The following PMM1 variants were observed in gnomAD, a reference collection of about 807,000 sequenced individuals.
PMM1 encodes the protein phosphomannomutase 1, also known as brain glucose-1,6-bisphosphatase.
PMM1 carries 25 observed loss-of-function variants against 34.0 expected under a neutral mutation model. The ratio of observed to expected loss-of-function variants is 0.73; its 90% confidence interval spans 0.54 to 1.03. The LOEUF (loss-of-function observed/expected upper bound fraction) is 1.03. Ranked by LOEUF, PMM1 falls within the 50% of genes least tolerant of loss-of-function variation. The pLI is 0.00. For missense variants in PMM1, 321 were observed against 350.1 expected, an observed-to-expected ratio of 0.92 and a Z score of 0.66; for synonymous variants, 134 against 143.9, an observed-to-expected ratio of 0.93 and a Z score of 0.49.
chr22:41,588,207 C>T (rs1260444103), intron 1 of PMM1, among the ~76,000 whole-genome samples: 5 of 152,140 alleles, frequency 3.3e-5, no homozygotes, highest in Non-Finnish European at 7.4e-5. Context: ...CACGACACCA[C>T]GCCCATCTAC....
chr22:41,588,383 C>A (rs1352679545), intron 1 of PMM1, among the ~76,000 whole-genome samples: 1 of 152,202 alleles, frequency 6.6e-6, no homozygotes, highest in Non-Finnish European at 1.5e-5. Flanking sequence ...CCACGCCTGG[C>A]TAATTTTTTG....
chr22:41,589,166 G>C, intron 1 of PMM1: 1 of 1,280,644 alleles, frequency 7.8e-7, no homozygotes, highest in Non-Finnish European at 1.0e-6. Flanking sequence ...CTCCACGACT[G>C]GGGGTGGAAG....
chr22:41,587,577 C>T (rs964578397), intron 1 of PMM1, among the ~76,000 whole-genome samples: 5 of 152,092 alleles, frequency 3.3e-5, no homozygotes, highest in African/African-American at 7.2e-5. Flanking sequence ...GCTGTGATAG[C>T]GCCACTGCAC....
Position 41,589,723 on chromosome 22 carries a change from C to T in PMM1, c.83G>A (p.Arg28His), listed in dbSNP as rs750714549. ...FDVDGTLTPA[R>H]QKIDPEVAAF... The stretch of plus-strand genomic sequence containing the variant: ...TTCCAATCTTCAGGGTCCTACCTGG[C>T]GAGCCGGCGTGAGGGTCCCGTCCAC... The change falls in exon 1 of 8, where the codon CGC becomes CAC. Residue 28 changes from arginine (R) to histidine (H), a missense_variant. Transcript: ENST00000216259. The T allele has an allele frequency of 2.0e-5, 33 of 1,610,168 alleles. No individual in the cohort carries two copies. Among genetic ancestry groups the T allele is most frequent in the Non-Finnish European group, 2.8e-5 (33 of 1,178,898 alleles).
At chr22:41,581,327 A>G (rs2067245089) in intron 5 of PMM1, among the ~76,000 whole-genome samples, 1 of 151,516 alleles carries the variant, frequency 6.6e-6, no homozygotes, top group Non-Finnish European at 1.5e-5. Context: ...CTATCAAGAA[A>G]AAAAAAAAAA....
At chr22:41,582,261 T>C (rs2067256040) in intron 5 of PMM1, among the ~76,000 whole-genome samples, 1 of 152,086 alleles carries the variant, frequency 6.6e-6, no homozygotes, top group Non-Finnish European at 1.5e-5. Flanking sequence ...AGTTCAAAAC[T>C]GGCCTGGGAG....
chr22:41,586,359 A>C, intron 1 of PMM1, 166 bp from the exon 2 acceptor site: 1 of 1,315,384 alleles, frequency 7.6e-7, no homozygotes, highest in Non-Finnish European at 9.9e-7. Flanking sequence ...ACTGTGGCTC[A>C]GGTCTGCAAT....
At chr22:41,589,619 C>A (rs1249544109) in intron 1 of PMM1, 100 bp downstream of exon 1, 2 of 1,035,910 alleles carry the variant, frequency 1.9e-6, no homozygotes, top group South Asian at 1.4e-5. Flanking sequence ...CACACTCGGT[C>A]CCCGGGTGTC....
chr22:41,581,494 G>A (rs566592736), intron 5 of PMM1, among the ~76,000 whole-genome samples: 1 of 152,330 alleles, frequency 6.6e-6, no homozygotes, highest in East Asian at 1.9e-4. Context: ...ACCTCGGGCA[G>A]GGCCCTTCTC....
intron 1 of PMM1, among the ~76,000 whole-genome samples, chr22:41,587,019 G>T (rs1434092845): frequency 4.0e-5 from 6 of 150,008 alleles, no homozygotes; most frequent in African/African-American, 1.5e-4. Context: ...TGTAATCCCA[G>T]CACTTTGGGA....
intron 5 of PMM1, chr22:41,579,122 T>C (rs1310718313): frequency 3.9e-6 from 2 of 511,552 alleles, no homozygotes; most frequent in Non-Finnish European, 7.1e-6. Context: ...GTGGGCTGGG[T>C]CTTCTGAAGG....
chr22:41,580,992 G>A (rs2067239637), intron 5 of PMM1, among the ~76,000 whole-genome samples: 1 of 151,712 alleles, frequency 6.6e-6, no homozygotes, highest in African/African-American at 2.4e-5. Flanking sequence ...GCAGGCGCTT[G>A]TAGTCCCAGC....
chr22:41,589,291 G>C (rs1214061454), intron 1 of PMM1: 1 of 445,494 alleles, frequency 2.2e-6, no homozygotes, highest in Non-Finnish European at 4.4e-6. Context: ...ACGCTTGGCT[G>C]TGTGCTTGTG....
At chr22:41,581,864 A>G (rs1403607103) in intron 5 of PMM1, among the ~76,000 whole-genome samples, 1 of 152,064 alleles carries the variant, frequency 6.6e-6, no homozygotes, top group Non-Finnish European at 1.5e-5. Flanking sequence ...GGTGCATGTA[A>G]TCCTAGCTAC....
rs2067358502 is a variant in PMM1, at chr22:41,589,746, C to T, written c.60G>A (p.Val20=). ...GGCGAGCCGGCGTGAGGGTCCCGTC[C>T]ACGTCAAACAGGCAGAGGACGCGCT... ...RKERVLCLFD[V]DGTLTPARQK... The change falls in exon 1 of 8, where the codon GTG becomes GTA. Residue 20 remains valine, a synonymous_variant. Coordinates refer to ENST00000216259, the MANE Select transcript of PMM1 (RefSeq NM_002676.3). 6.2e-7 allele frequency: 1 copy of T among 1,612,096 alleles called. No individual in the cohort carries two copies. The highest frequency in any genetic ancestry group is 8.5e-7 in the Non-Finnish European group (1 of 1,179,608).
intron 6 of PMM1, among the ~76,000 whole-genome samples, chr22:41,578,294 G>A (rs1191594247): frequency 6.6e-6 from 1 of 152,174 alleles, no homozygotes; most frequent in Admixed American, 6.5e-5. Flanking sequence ...GGACGGGCAG[G>A]CCCTGGGCAT....
At chr22:41,582,117 C>A (rs1243420125) in intron 5 of PMM1, among the ~76,000 whole-genome samples, 1 of 150,756 alleles carries the variant, frequency 6.6e-6, no homozygotes, top group African/African-American at 2.4e-5. Flanking sequence ...GCACTCCAGC[C>A]TGGGTGACAG....
At chr22:41,589,451 C>T (rs2067354873) in intron 1 of PMM1, 1 of 563,524 alleles carries the variant, frequency 1.8e-6, no homozygotes, top group East Asian at 3.0e-5. Context: ...GGAGCTAGGC[C>T]CCTGCTCGCA....
intron 1 of PMM1, 133 bp from the exon 2 acceptor site, chr22:41,586,326 A>G: frequency 6.7e-7 from 1 of 1,497,030 alleles, no homozygotes; most frequent in East Asian, 2.5e-5. Flanking sequence ...AAGCTTAGAC[A>G]CCAAAAATTA....
Sources: allele counts gnomAD v4.1 joint callset (sites outside exome capture counted in the v4.1 genomes callset), GRCh38; gene constraint gnomAD v4.1.1; transcripts MANE v1.5; gene names NCBI Gene and HGNC (gene_info 2026-07-23, HGNC 2026-07-21).